Variants in FAM107B observed in about 807,000 individuals in gnomAD.
FAM107B encodes the protein family with sequence similarity 107 member B, also known as protein FAM107B.
Under a neutral mutation model 31.5 loss-of-function variants are expected in FAM107B, and 21 were observed. That is an observed-to-expected ratio of 0.67 (90% CI 0.47 to 0.96). The LOEUF is 0.96. Among genes scored for constraint, FAM107B ranks in the 40% least tolerant of loss-of-function variants. The probability of loss-of-function intolerance (pLI) is 0.00; values close to 1 mark genes in which losing one functional copy is unlikely to be tolerated. For synonymous variants in FAM107B, 157 were observed against 141.5 expected, an observed-to-expected ratio of 1.11 and a Z score of -0.78; for missense variants, 452 against 377.1, an observed-to-expected ratio of 1.20 and a Z score of -1.64.
At chr10:14,717,758 A>ACG (rs375208718) in intron 1 of FAM107B, among the ~76,000 whole-genome samples, 1 of 13,012 alleles carries the variant, frequency 7.7e-5, no homozygotes, top group East Asian at 1.7e-3. Flanking sequence ...CCCCTCCCAG[A>ACG]CACCCAAGAG....
chr10:14,667,474 T>A (rs1006646080), intron 2 of FAM107B, among the ~76,000 whole-genome samples, 160 bp downstream of exon 2: 4 of 152,222 alleles, frequency 2.6e-5, no homozygotes, highest in Admixed American at 6.5e-5. Flanking sequence ...ATTGTCCAGA[T>A]GTCGTGCCTG....
At chr10:14,771,121 A>C (rs1349136280) in intron 1 of FAM107B, among the ~76,000 whole-genome samples, 1 of 152,172 alleles carries the variant, frequency 6.6e-6, no homozygotes, top group Non-Finnish European at 1.5e-5. Flanking sequence ...TCATCTGCTA[A>C]GGGAAAACAT....
In FAM107B at chr10:14,521,858, A is replaced by AT; in HGVS notation, c.804+10dup. 6.2e-7 allele frequency: 1 copy of AT among 1,608,332 alleles called. No individual in the cohort carries two copies. On this transcript the variant is annotated intron_variant, in intron 4 of 4. Coordinates refer to ENST00000181796, the MANE Select transcript of FAM107B (RefSeq NM_031453.4). ...AACAAAAAAAGACAGCTTCCAGCCA[A>AT]TCCCCCTTACCTGCTCCAACTTCTG... is the stretch of plus-strand genomic sequence containing the variant.
In FAM107B at chr10:14,548,272, C is replaced by T. The variant is rs537888076; in HGVS notation, c.470-17757G>A. On this transcript the variant is annotated intron_variant, in intron 2 of 4. Coordinates refer to ENST00000181796, the MANE Select transcript of FAM107B (RefSeq NM_031453.4). ...AGAGAGCAGACGCGACAGACGCACCCGAGGGTCAACAACTGGGAACACGGA... is the reference window on the plus strand; with the variant it reads ...AGAGAGCAGACGCGACAGACGCACCTGAGGGTCAACAACTGGGAACACGGA... Among the ~76,000 whole-genome samples, 4 of 152,170 alleles carry T rather than the reference C, an allele frequency of 2.6e-5. No individual in the cohort carries two copies. The East Asian group carries it at 5.8e-4, about 22-fold the overall frequency.
intron 2 of FAM107B, chr10:14,548,326 G>A: frequency 4.3e-6 from 3 of 701,214 alleles, no homozygotes; most frequent in Non-Finnish European, 5.3e-6. Context: ...GGAGGCACAG[G>A]GAGGCCTCAG....
chr10:14,603,192 G>A (rs1232100677), intron 2 of FAM107B, among the ~76,000 whole-genome samples: 4 of 152,076 alleles, frequency 2.6e-5, no homozygotes, highest in Admixed American at 1.3e-4. Flanking sequence ...GAAACCAGCA[G>A]CGCTAAGAAA....
chr10:14,746,294 C>T (rs1029184757), intron 1 of FAM107B, among the ~76,000 whole-genome samples: 10 of 152,178 alleles, frequency 6.6e-5, no homozygotes, highest in African/African-American at 2.2e-4. Flanking sequence ...AGTCCATTTA[C>T]AATTAAGGTT....
chr10:14,549,553 T>C (rs1341986688), intron 2 of FAM107B, among the ~76,000 whole-genome samples: 3 of 152,206 alleles, frequency 2.0e-5, no homozygotes, highest in Non-Finnish European at 4.4e-5. Context: ...TAAACTACAC[T>C]GCCTCTGAAC....
intron 1 of FAM107B, among the ~76,000 whole-genome samples, chr10:14,735,635 A>T (rs536468547): frequency 4.6e-5 from 7 of 152,352 alleles, no homozygotes; most frequent in African/African-American, 1.7e-4. Context: ...AAGGGGATAA[A>T]GCATTGGCCT....
intron 1 of FAM107B, among the ~76,000 whole-genome samples, chr10:14,769,936 T>C (rs1248430125): frequency 6.6e-6 from 1 of 152,202 alleles, no homozygotes; most frequent in Non-Finnish European, 1.5e-5. Flanking sequence ...TCAACTTGGC[T>C]GGGTGCAGTG....
chr10:14,584,424 C>T (rs1285369492), intron 2 of FAM107B, among the ~76,000 whole-genome samples: 1 of 152,206 alleles, frequency 6.6e-6, no homozygotes, highest in Non-Finnish European at 1.5e-5. Flanking sequence ...CCATGGCCCT[C>T]GGCACTCAGA....
intron 3 of FAM107B, among the ~76,000 whole-genome samples, chr10:14,523,231 A>C (rs563663980): frequency 6.6e-5 from 10 of 152,262 alleles, no homozygotes; most frequent in African/African-American, 2.4e-4. Context: ...CTTTCTTCTT[A>C]TTGTCTTCCT....
chr10:14,642,913 C>A (rs1853664104), intron 2 of FAM107B, among the ~76,000 whole-genome samples: 1 of 152,200 alleles, frequency 6.6e-6, no homozygotes. Flanking sequence ...ATCCTCATTT[C>A]TGAGACCTTG....
intron 1 of FAM107B, among the ~76,000 whole-genome samples, chr10:14,715,652 G>A (rs1019234355): frequency 2.0e-5 from 3 of 152,210 alleles, no homozygotes; most frequent in Non-Finnish European, 2.9e-5. Context: ...TATTGAGGGC[G>A]TGAATAGAAC....
intron 1 of FAM107B, among the ~76,000 whole-genome samples, chr10:14,767,024 G>GTATGTA (rs1554757993): frequency 1.8e-4 from 3 of 16,236 alleles, no homozygotes; most frequent in African/African-American, 3.2e-4. Context: ...TGATGTGTAT[G>GTATGTA]TATATATATA....
intron 2 of FAM107B, among the ~76,000 whole-genome samples, chr10:14,644,495 A>C (rs1451823782): frequency 6.6e-6 from 1 of 152,262 alleles, no homozygotes; most frequent in Admixed American, 6.5e-5. Context: ...GTACATTTGT[A>C]CATTAACAGA....
chr10:14,575,987 A>G (rs946983434), intron 2 of FAM107B, among the ~76,000 whole-genome samples: 1 of 152,202 alleles, frequency 6.6e-6, no homozygotes, highest in Non-Finnish European at 1.5e-5. Flanking sequence ...GAAATAAGCC[A>G]GTCACAAAAA....
chr10:14,671,886 A>AC (rs1491335981), intron 1 of FAM107B, among the ~76,000 whole-genome samples: 19 of 8,476 alleles, frequency 2.2e-3, no homozygotes, highest in South Asian at 0.022. Context: ...AAAAAAAAAC[A>AC]AAAAAACAAA....
intron 2 of FAM107B, among the ~76,000 whole-genome samples, chr10:14,575,306 C>A (rs35607195): frequency 6.6e-6 from 1 of 151,820 alleles, no homozygotes; most frequent in South Asian, 2.1e-4. Context: ...CAGGTTCAAG[C>A]GATTCTCCTG....
Sources: allele counts gnomAD v4.1 joint callset (sites outside exome capture counted in the v4.1 genomes callset), GRCh38; gene constraint gnomAD v4.1.1; transcripts MANE v1.5; gene names NCBI Gene and HGNC (gene_info 2026-07-23, HGNC 2026-07-21).